The following ANKS1B variants were observed in gnomAD, a reference collection of about 807,000 sequenced individuals.
ANKS1B encodes the protein ankyrin repeat and sterile alpha motif domain-containing protein 1B.
Under a neutral mutation model 148.3 loss-of-function variants are expected in ANKS1B, and 36 were observed. The observed-to-expected ratio is 0.24, with a 90% CI of 0.19 to 0.32. ANKS1B has a LOEUF of 0.32. ANKS1B is among the 10% of genes least tolerant of loss of function. The probability of loss-of-function intolerance (pLI) is 1.00; values close to 1 mark genes in which losing one functional copy is unlikely to be tolerated. For missense variants in ANKS1B, 1,157 were observed against 1,542.6 expected, an observed-to-expected ratio of 0.75 and a Z score of 4.19; for synonymous variants, 542 against 560.8, an observed-to-expected ratio of 0.97 and a Z score of 0.47.
intron 15 of ANKS1B, among the ~76,000 whole-genome samples, chr12:99,129,725 A>G (rs1270911508): frequency 1.3e-5 from 2 of 152,224 alleles, no homozygotes; most frequent in African/African-American, 4.8e-5. Flanking sequence ...GGAGATAAAC[A>G]AGGTAATACT....
intron 15 of ANKS1B, among the ~76,000 whole-genome samples, chr12:99,120,791 G>T (rs1470547338): frequency 6.6e-6 from 1 of 152,124 alleles, no homozygotes; most frequent in Non-Finnish European, 1.5e-5. Context: ...AGGTCCCTGG[G>T]GGGCATCCAC....
intron 1 of ANKS1B, among the ~76,000 whole-genome samples, chr12:99,966,880 A>G (rs1374686798): frequency 7.2e-5 from 11 of 152,174 alleles, no homozygotes; most frequent in Admixed American, 7.2e-4. Context: ...TGAGGAATGT[A>G]CAAGATAGAA....
chr12:99,631,916 T>C (rs531763564), intron 9 of ANKS1B, among the ~76,000 whole-genome samples: 69 of 152,276 alleles, frequency 4.5e-4, no homozygotes, highest in African/African-American at 1.5e-3. Context: ...CAGTGACCAC[T>C]TGCAAAAGAG....
chr12:99,220,978 T>A (rs547296389), intron 14 of ANKS1B, among the ~76,000 whole-genome samples: 1 of 152,150 alleles, frequency 6.6e-6, no homozygotes, highest in East Asian at 1.9e-4. Context: ...TTTTTAATAA[T>A]AATACAACAT....
At chr12:99,822,888 T>C (rs2082680779) in intron 2 of ANKS1B, among the ~76,000 whole-genome samples, 1 of 152,204 alleles carries the variant, frequency 6.6e-6, no homozygotes, top group Non-Finnish European at 1.5e-5. Context: ...GAGACTGAAC[T>C]AATTTTTACA....
intron 19 of ANKS1B, among the ~76,000 whole-genome samples, chr12:98,821,464 A>G (rs1426469606): frequency 1.3e-5 from 2 of 151,962 alleles, no homozygotes; most frequent in Admixed American, 1.3e-4. Flanking sequence ...CTGGTGTGGG[A>G]CCTCTGTCTT....
intron 17 of ANKS1B, chr12:98,931,764 G>C (rs949292777): frequency 2.6e-5 from 4 of 152,216 alleles, no homozygotes; most frequent in African/African-American, 9.6e-5. Context: ...CTTCATCCCT[G>C]TGTTTACCCC....
chr12:98,794,315 C>G (rs2098924910), intron 22 of ANKS1B, among the ~76,000 whole-genome samples: 2 of 141,382 alleles, frequency 1.4e-5, no homozygotes, highest in Non-Finnish European at 3.0e-5. Context: ...TCACTTGAAC[C>G]CAGGAGGTGG....
At chr12:99,596,944 T>C (rs568527573) in intron 9 of ANKS1B, among the ~76,000 whole-genome samples, 1 of 152,078 alleles carries the variant, frequency 6.6e-6, no homozygotes, top group African/African-American at 2.4e-5. Context: ...TTTGAGTAGA[T>C]TCCTAGGAGT....
rs920332468 is a variant in ANKS1B, at chr12:99,139,238, TTCTC to T, written c.2526+15047_2526+15050del. Among the ~76,000 whole-genome samples, 16 of 145,672 alleles carry T rather than the reference TTCTC, an allele frequency of 1.1e-4. No homozygotes were observed. In the East Asian group the frequency reaches 2.3e-3, roughly 21 times the overall value. On this transcript the variant is annotated intron_variant, in intron 15 of 26. Transcript: ENST00000683438. ...TCCTTCTCTTTCTTTCCTTCCTTCC[TTCTC>T]TCTTTCTTTCTTCTTCCTCTCTTTC...
At chr12:99,415,440 C>T (rs1338992898) in intron 11 of ANKS1B, among the ~76,000 whole-genome samples, 1 of 152,160 alleles carries the variant, frequency 6.6e-6, no homozygotes, top group Admixed American at 6.5e-5. Flanking sequence ...GCACATATCA[C>T]TGTGTGGGTG....
chr12:99,040,149 G>C (rs183609846), intron 17 of ANKS1B, among the ~76,000 whole-genome samples: 1 of 152,184 alleles, frequency 6.6e-6, no homozygotes, highest in African/African-American at 2.4e-5. Flanking sequence ...CTGGCCATGG[G>C]TCTTTCTCCT....
At chr12:99,900,254 T>G (rs2153767082) in intron 1 of ANKS1B, among the ~76,000 whole-genome samples, 1 of 146,958 alleles carries the variant, frequency 6.8e-6, no homozygotes, top group East Asian at 2.3e-4. Flanking sequence ...ACGCCTGTAA[T>G]CCCAGCACTT....
intron 9 of ANKS1B, among the ~76,000 whole-genome samples, chr12:99,545,165 C>G (rs1264162498): frequency 6.6e-6 from 1 of 152,074 alleles, no homozygotes; most frequent in Non-Finnish European, 1.5e-5. Context: ...TTCTAGACAC[C>G]CATGAGGGAG....
intron 10 of ANKS1B, among the ~76,000 whole-genome samples, chr12:99,481,114 T>C (rs1298506045): frequency 2.6e-5 from 4 of 151,750 alleles, no homozygotes; most frequent in Admixed American, 2.0e-4. Context: ...TCTGAGATTT[T>C]TGTGCACCCA....
At chr12:98,924,981 G>C (rs960659384) in intron 17 of ANKS1B, among the ~76,000 whole-genome samples, 5 of 152,086 alleles carry the variant, frequency 3.3e-5, no homozygotes, top group Admixed American at 1.3e-4. Flanking sequence ...AGTCCAGACG[G>C]GATAAGGAGA....
chr12:99,155,937 A>G (rs2075993286), intron 14 of ANKS1B, among the ~76,000 whole-genome samples: 1 of 152,200 alleles, frequency 6.6e-6, no homozygotes, highest in South Asian at 2.1e-4. Context: ...GGAGAAGCAC[A>G]GATTGAGAAC....
Position 99,118,775 on chromosome 12 carries a change from A to G in ANKS1B, c.2527-33752T>C, listed in dbSNP as rs745319510. 2.0e-5 allele frequency among the ~76,000 whole-genome samples: 3 copies of G among 152,342 alleles called. No individual in the cohort carries two copies. In the South Asian group the frequency reaches 6.2e-4, roughly 32 times the overall value. ...TCAAAAATGACTGCAGGCGACTTTA[A>G]CAATACAAGATCAGCCATTTTTGAC... On this transcript the variant is annotated intron_variant, in intron 15 of 26. Transcript: ENST00000683438.
intron 12 of ANKS1B, among the ~76,000 whole-genome samples, chr12:99,316,826 T>A (rs539563247): frequency 6.6e-6 from 1 of 152,122 alleles, no homozygotes; most frequent in African/African-American, 2.4e-5. Flanking sequence ...GTCTTTAATC[T>A]ATCTTGAATT....
Sources: gnomAD v4.1 joint callset for allele counts (sites outside exome capture counted in the v4.1 genomes callset) on GRCh38, gnomAD v4.1.1 for gene constraint, MANE v1.5 for transcripts, NCBI Gene and HGNC (gene_info 2026-07-23, HGNC 2026-07-21) for gene names.